PCDHGA11: variants seen among roughly 807,000 people sequenced by gnomAD.
PCDHGA11 encodes the protein protocadherin gamma subfamily A, 11.
PCDHGA11 carries 39 observed loss-of-function variants against 60.4 expected under a neutral mutation model. That is an observed-to-expected ratio of 0.65 (90% confidence interval 0.50 to 0.84). The LOEUF (loss-of-function observed/expected upper bound fraction) is 0.84, where lower values mean the gene tolerates loss of function less well. Ranked by LOEUF, PCDHGA11 falls within the 40% of genes least tolerant of loss-of-function variation. The pLI is 0.00. For missense variants in PCDHGA11, 1,165 were observed against 1,197.7 expected, an observed-to-expected ratio of 0.97 and a Z score of 0.40; for synonymous variants, 533 against 510.3, an observed-to-expected ratio of 1.04 and a Z score of -0.60.
chr5:141,471,658 G>T (rs1354815239), intron 1 of PCDHGA11: 1 of 152,106 alleles, frequency 6.6e-6, no homozygotes, highest in Admixed American at 6.5e-5. Flanking sequence ...ATGTGGGGAT[G>T]CAGAAAAAAA....
rs979405624 is a variant in PCDHGA11 at position 141,422,152 on chromosome 5, G to A, written c.925G>A (p.Asp309Asn). ...TGEVQVRGSLDFEKYRFYEME... is the reference protein window; with the variant it reads ...TGEVQVRGSLNFEKYRFYEME... ...AGAAGTTCAAGTACGGGGGTCTCTG[G>A]ATTTTGAAAAATATAGATTCTATGA... Residue 309 changes from aspartate (D) to asparagine (N), a missense_variant, in exon 1 of 4, where the codon GAT (aspartate) becomes AAT (asparagine). By Grantham distance (23) the Asp-to-Asn change is conservative. Transcript: ENST00000398587. 20 of 1,575,764 alleles carry A rather than the reference G, an allele frequency of 1.3e-5. No individual in the cohort carries two copies. The highest frequency in any genetic ancestry group is 1.5e-5 in the Non-Finnish European group (17 of 1,166,684).
Position 141,439,440 on chromosome 5 carries a change from A to T in PCDHGA11, c.2433+15780A>T, listed in dbSNP as rs147662506. 1.4e-3 allele frequency among the ~76,000 whole-genome samples: 212 copies of T among 152,330 alleles called. 1 individual carries two copies. The highest frequency in any genetic ancestry group is 4.8e-3 in the African/African-American group (198 of 41,576). On this transcript the variant is annotated intron_variant, in intron 1 of 3. Transcript: ENST00000398587. Reference sequence around the variant, plus strand: ...GGTTATAAATTCCCAGGAATATTTTATTGCGGGAGCAAGACTGCACTGCTG... The same window carrying T: ...GGTTATAAATTCCCAGGAATATTTTTTTGCGGGAGCAAGACTGCACTGCTG...
intron 1 of PCDHGA11, among the ~76,000 whole-genome samples, chr5:141,494,072 C>G (rs2099751672): frequency 6.6e-6 from 1 of 152,160 alleles, no homozygotes; most frequent in Non-Finnish European, 1.5e-5. Flanking sequence ...CTGGATCCCT[C>G]CCCGCTGCAT....
chr5:141,478,164 C>A (rs202185809), intron 1 of PCDHGA11: 2 of 1,614,010 alleles, frequency 1.2e-6, no homozygotes, highest in African/African-American at 1.3e-5. Context: ...GGCTCTGCCC[C>A]CCGGGAGCAG....
chr5:141,422,795 A>G lies in PCDHGA11; in HGVS notation c.1568A>G (p.Tyr523Cys), dbSNP rs543001807. ...CTCTATGCCCTACAATCCTTCGACTATGAGCAGTTTCGAGACTTAGAACTG... is the reference window on the plus strand; with the variant it reads ...CTCTATGCCCTACAATCCTTCGACTGTGAGCAGTTTCGAGACTTAGAACTG... ...GVLYALQSFD[Y>C]EQFRDLELRV... Residue 523 changes from tyrosine (Y) to cysteine (C), a missense_variant, in exon 1 of 4, where the codon TAT (tyrosine) becomes TGT (cysteine). Tyr to Cys is a radical substitution (Grantham distance 194). Transcript: ENST00000398587. 14 of 1,614,198 alleles carry G rather than the reference A, an allele frequency of 8.7e-6. No homozygotes were observed. In the East Asian group the frequency reaches 1.8e-4, roughly 21 times the overall value.
chr5:141,469,505 G>T (rs2099202987), intron 1 of PCDHGA11, among the ~76,000 whole-genome samples: 1 of 152,138 alleles, frequency 6.6e-6, no homozygotes. Flanking sequence ...AACCCGGGAG[G>T]TGGAGGTTGC....
chr5:141,478,718 C>T, intron 1 of PCDHGA11: 1 of 1,544,994 alleles, frequency 6.5e-7, no homozygotes, highest in East Asian at 2.4e-5. Context: ...AGATGGTGGC[C>T]TGCCAGAGTG....
intron 3 of PCDHGA11, among the ~76,000 whole-genome samples, chr5:141,508,957 C>T (rs1242113190): frequency 6.6e-6 from 1 of 151,976 alleles, no homozygotes; most frequent in Non-Finnish European, 1.5e-5. Context: ...GAAATGTCAG[C>T]GGAATGAAAG....
In PCDHGA11 at chr5:141,494,886, C is replaced by T. The variant is rs1212594477; in HGVS notation, c.2492+21C>T. ...AGCGGGTAGGTGACTGATTCTCCAG[C>T]CCACCCTCTTCTCTGCGGCATTTTC... On this transcript the variant is annotated intron_variant, in intron 2 of 3. Coordinates refer to ENST00000398587, the MANE Select transcript of PCDHGA11 (RefSeq NM_018914.3). 8 of 1,614,010 alleles carry T rather than the reference C, an allele frequency of 5.0e-6. No homozygotes were observed. The Admixed American group carries it at 8.3e-5, about 17-fold the overall frequency.
At position 141,487,577 on chromosome 5, in the gene PCDHGA11, C is replaced by T; in HGVS notation, c.2434-7230C>T. 1 of 1,614,150 alleles carries T rather than the reference C, an allele frequency of 6.2e-7. No homozygotes were observed. Among genetic ancestry groups the T allele is most frequent in the Non-Finnish European group, 8.5e-7 (1 of 1,180,024 alleles). On this transcript the variant is annotated intron_variant, in intron 1 of 3. Transcript: ENST00000398587. This position sits in a 1 kb window ranked among gnomAD's most constrained non-coding sequence, Gnocchi z 5.0. ...ACCTATGGCAGGGGAGCCTGTTCGCCCAAGCTGCCCACCCTCTGATCTTCT... is the reference window on the plus strand; with the variant it reads ...ACCTATGGCAGGGGAGCCTGTTCGCTCAAGCTGCCCACCCTCTGATCTTCT...
intron 1 of PCDHGA11, chr5:141,427,617 G>C (rs1295636754): frequency 1.4e-6 from 1 of 694,694 alleles, no homozygotes. Context: ...TGAAGTCAAC[G>C]ACAATGCTCC....
chr5:141,464,773 C>G (rs576769467), intron 1 of PCDHGA11, among the ~76,000 whole-genome samples: 79 of 152,106 alleles, frequency 5.2e-4, no homozygotes, highest in African/African-American at 1.9e-3. Context: ...GAATCTTGTT[C>G]TGTTGCCCAG....
rs2099684984 is a variant in PCDHGA11 at position 141,489,278 on chromosome 5, G to A, written c.2434-5529G>A. ...ACACTCCCACAGCTCGCTGGGAAAT[G>A]GCAAGTGCTGTGCATGTTGTCCTTG... is the stretch of plus-strand genomic sequence containing the variant. On this transcript the variant is annotated intron_variant, in intron 1 of 3. Transcript: ENST00000398587. The surrounding 1 kb of genome is among the most constrained non-coding windows in gnomAD (Gnocchi z 4.5). The A allele has an allele frequency of 6.4e-7, 1 of 1,561,298 alleles. No homozygotes were observed. The highest frequency in any genetic ancestry group is 2.2e-5 in the East Asian group (1 of 44,520).
chr5:141,500,618 C>T (rs554274946), intron 2 of PCDHGA11, among the ~76,000 whole-genome samples: 1 of 152,262 alleles, frequency 6.6e-6, no homozygotes, highest in South Asian at 2.1e-4. Flanking sequence ...CCCAGTCATA[C>T]GGTACATTTC....
rs1299607088 is a variant in PCDHGA11 at position 141,472,933 on chromosome 5, C to T, written c.2434-21874C>T. ...CCCAAGAGGAGGAGGTTGTGGTGAG[C>T]CAAGATTATGCCATTGCACTCCAGC... On this transcript the variant is annotated intron_variant, in intron 1 of 3. Coordinates refer to ENST00000398587, the MANE Select transcript of PCDHGA11 (RefSeq NM_018914.3). Among the ~76,000 whole-genome samples, 4 of 143,758 alleles carry T rather than the reference C, an allele frequency of 2.8e-5. No individual in the cohort carries two copies. In the Admixed American group the frequency reaches 2.9e-4, roughly 10 times the overall value. 94.3% of individuals were successfully genotyped at this position (143,758 alleles called of 152,430 possible). A position where few individuals can be genotyped will look rare whatever the true frequency, so the allele number is the denominator to read the frequency against.
chr5:141,450,851 G>T (rs1184272833), intron 1 of PCDHGA11, among the ~76,000 whole-genome samples: 1 of 142,602 alleles, frequency 7.0e-6, no homozygotes, highest in Non-Finnish European at 1.5e-5. Context: ...TTGAGATGGG[G>T]TCTTGCTCTG....
At position 141,489,760 on chromosome 5, in the gene PCDHGA11, C is replaced by A; in HGVS notation, c.2434-5047C>A. 1 of 1,614,086 alleles carries A rather than the reference C, an allele frequency of 6.2e-7. No individual in the cohort carries two copies. Among genetic ancestry groups the A allele is most frequent in the Non-Finnish European group, 8.5e-7 (1 of 1,179,970 alleles). On this transcript the variant is annotated intron_variant, in intron 1 of 3. Coordinates refer to ENST00000398587, the MANE Select transcript of PCDHGA11 (RefSeq NM_018914.3). This position sits in a 1 kb window ranked among gnomAD's most constrained non-coding sequence, Gnocchi z 4.5. ...TACTGTGAGCTTTTACACTCTAAGC[C>A]CCAACAGCCACTTCTCTCTGAATGT...
intron 1 of PCDHGA11, among the ~76,000 whole-genome samples, chr5:141,437,550 A>T (rs866913156): frequency 6.6e-6 from 1 of 152,192 alleles, no homozygotes; most frequent in African/African-American, 2.4e-5. Context: ...AGTTTTCTTT[A>T]TGACATGTAA....
intron 2 of PCDHGA11, among the ~76,000 whole-genome samples, chr5:141,495,968 CTGTTACTCTTTCTT>C (rs1033811907): frequency 6.6e-6 from 1 of 152,126 alleles, no homozygotes; most frequent in African/African-American, 2.4e-5. Context: ...GCCTCTTTCT[CTGTTACTCTTTCTT>C]TATCTCTCTT....
Sources: allele counts gnomAD v4.1 joint callset (sites outside exome capture counted in the v4.1 genomes callset), GRCh38; gene constraint gnomAD v4.1.1; non-coding constraint Gnocchi (gnomAD v3.1); transcripts MANE v1.5; gene names NCBI Gene and HGNC (gene_info 2026-07-23, HGNC 2026-07-21).